ADGRV1: variants seen among roughly 807,000 people sequenced by gnomAD.
The protein encoded by ADGRV1 is G-protein coupled receptor 98.
A neutral mutation model predicts 596.2 loss-of-function variants in ADGRV1; 359 were observed. The observed-to-expected ratio is 0.60, with a 90% CI of 0.55 to 0.66. The LOEUF is 0.66. Ranked by LOEUF, ADGRV1 falls within the 30% of genes least tolerant of loss-of-function variation. The probability of loss-of-function intolerance (pLI) is 0.00; values close to 1 mark genes in which losing one functional copy is unlikely to be tolerated. For synonymous variants in ADGRV1, 2,681 were observed against 2,679.2 expected (o/e 1.00, Z -0.02); for missense variants, 7,274 against 7,575.6 (o/e 0.96, Z 1.48).
chr5:90,573,945 A>T (rs983647573), intron 1 of ADGRV1, among the ~76,000 whole-genome samples: 2 of 152,136 alleles, frequency 1.3e-5, no homozygotes, highest in Non-Finnish European at 2.9e-5. Context: ...GCCTTGTCAA[A>T]GATCAGATGG....
intron 75 of ADGRV1, 25 bp from the exon 76 acceptor site, chr5:90,823,400 G>T (rs769741598): frequency 2.9e-5 from 47 of 1,610,902 alleles, no homozygotes; most frequent in Middle Eastern, 1.7e-4. Context: ...CTCTGTTAAG[G>T]CATTGGTGGG....
Position 90,783,958 on chromosome 5 carries a change from G to A in ADGRV1, c.13554G>A (p.Arg4518=), listed in dbSNP as rs1359454203. ...AKSDSPFGVI[R]FLNQSKISIA... ...GTGACTCTCCCTTTGGAGTTATAAG[G>A]TTTCTCAATCAAAGCAAAATTTCTA... The change falls in exon 67 of 90, where the codon AGG becomes AGA. Residue 4518 remains arginine (R), a synonymous_variant. Transcript: ENST00000405460. 1 of 1,612,280 alleles carries A rather than the reference G, an allele frequency of 6.2e-7. No homozygotes were observed. The highest frequency in any genetic ancestry group is 1.1e-5 in the South Asian group (1 of 90,656).
chr5:90,643,171 A>G (rs1333109356), intron 13 of ADGRV1, 130 bp downstream of exon 13: 8 of 756,066 alleles, frequency 1.1e-5, no homozygotes, highest in African/African-American at 1.8e-5. Flanking sequence ...TGAGAAGTAC[A>G]TAGATTTGGA....
At chr5:90,591,134 G>A (rs1759448294) in intron 1 of ADGRV1, among the ~76,000 whole-genome samples, 1 of 152,150 alleles carries the variant, frequency 6.6e-6, no homozygotes, top group Admixed American at 6.5e-5. Flanking sequence ...GCTCATGCCT[G>A]TAATCCCAGC....
chr5:90,748,562 C>T (rs991912701), intron 52 of ADGRV1, among the ~76,000 whole-genome samples: 2 of 152,106 alleles, frequency 1.3e-5, no homozygotes, highest in African/African-American at 4.8e-5. Flanking sequence ...CCAGTGGCTA[C>T]TGTGAAGGAG....
At chr5:90,750,250 G>A (rs1032320714) in intron 52 of ADGRV1, among the ~76,000 whole-genome samples, 2 of 152,170 alleles carry the variant, frequency 1.3e-5, no homozygotes, top group African/African-American at 4.8e-5. Context: ...CACGCTTTCT[G>A]AGTATGAATG....
intron 45 of ADGRV1, among the ~76,000 whole-genome samples, chr5:90,722,553 A>T (rs1445422542): frequency 6.6e-6 from 1 of 151,428 alleles, no homozygotes; most frequent in Admixed American, 6.6e-5. Context: ...TCTACTAAAA[A>T]TACAAAAAAA....
At chr5:91,122,916 A>G (rs13436467) in intron 87 of ADGRV1, among the ~76,000 whole-genome samples, 11,088 of 152,272 alleles carry the variant, frequency 0.073, 551 homozygotes, top group East Asian at 0.16. Flanking sequence ...GGATACTGGC[A>G]TTTTAAAGAG....
chr5:91,120,949 G>A (rs13436174), intron 87 of ADGRV1, among the ~76,000 whole-genome samples: 9,047 of 152,206 alleles, frequency 0.059, 385 homozygotes, highest in East Asian at 0.15. Flanking sequence ...CAAGGTGGGC[G>A]GGTCACTTGA....
intron 48 of ADGRV1, among the ~76,000 whole-genome samples, chr5:90,726,682 T>A (rs1255387869): frequency 6.6e-6 from 1 of 150,820 alleles, no homozygotes; most frequent in African/African-American, 2.5e-5. Flanking sequence ...TGTGTGTGTG[T>A]GATCCTTCTC....
intron 85 of ADGRV1, among the ~76,000 whole-genome samples, chr5:91,060,804 A>G (rs1446127683): frequency 2.6e-5 from 4 of 152,238 alleles, no homozygotes; most frequent in Admixed American, 6.5e-5. Context: ...ATTTGTAACT[A>G]TCACATAAAG....
chr5:90,652,894 C>G (rs746842426), intron 19 of ADGRV1, among the ~76,000 whole-genome samples: 7 of 152,248 alleles, frequency 4.6e-5, no homozygotes, highest in Middle Eastern at 6.8e-3. Context: ...TAGCTTAAAG[C>G]TTGATCTTTG....
At chr5:91,030,925 G>T in intron 85 of ADGRV1, 2 of 728,680 alleles carry the variant, frequency 2.7e-6, no homozygotes, top group Non-Finnish European at 2.1e-6. Flanking sequence ...GCAGTCTTGT[G>T]ATCAGAGTCC....
intron 74 of ADGRV1, among the ~76,000 whole-genome samples, chr5:90,814,454 T>A (rs1762716981): frequency 6.6e-6 from 1 of 152,120 alleles, no homozygotes; most frequent in Non-Finnish European, 1.5e-5. Context: ...TGGCTCTGTG[T>A]CCCCACTCAA....
intron 1 of ADGRV1, among the ~76,000 whole-genome samples, chr5:90,581,264 T>A (rs1424469972): frequency 6.6e-6 from 1 of 152,210 alleles, no homozygotes; most frequent in African/African-American, 2.4e-5. Flanking sequence ...TGTCACCTTG[T>A]CAAAGTCATT....
At chr5:90,842,604 G>T (rs995258036) in intron 78 of ADGRV1, among the ~76,000 whole-genome samples, 16 of 152,026 alleles carry the variant, frequency 1.1e-4, no homozygotes, top group South Asian at 2.1e-4. Flanking sequence ...TGTAGTCCCA[G>T]CTATTTGGGA....
At chr5:90,924,929 G>A (rs978231053) in intron 83 of ADGRV1, among the ~76,000 whole-genome samples, 1 of 151,662 alleles carries the variant, frequency 6.6e-6, no homozygotes, top group Non-Finnish European at 1.5e-5. Flanking sequence ...GTTTGTCAAG[G>A]ATAGATAGTT....
Position 90,745,692 on chromosome 5 carries a change from A to C in ADGRV1, c.10871A>C (p.Gln3624Pro), listed in dbSNP as rs1754545733. ...VPEKEESFKVQLKNPKGGAEI... is the reference protein window; with the variant it reads ...VPEKEESFKVPLKNPKGGAEI... ...GAAAAAGAAGAATCCTTCAAAGTTC[A>C]ACTTAAAAATCCCAAAGGAGGAGCA... The change falls in exon 52 of 90, where the codon CAA (glutamine) becomes CCA (proline). Residue 3624 changes from glutamine to proline, a missense_variant. Coordinates refer to ENST00000405460, the MANE Select transcript of ADGRV1 (RefSeq NM_032119.4). 1.9e-6 allele frequency: 3 copies of C among 1,612,420 alleles called. No individual in the cohort carries two copies. The highest frequency in any genetic ancestry group is 2.5e-6 in the Non-Finnish European group (3 of 1,178,686).
chr5:90,709,095 G>C (rs1269703557), intron 39 of ADGRV1, among the ~76,000 whole-genome samples, 186 bp downstream of exon 39: 2 of 152,052 alleles, frequency 1.3e-5, no homozygotes, highest in Non-Finnish European at 2.9e-5. Context: ...ACAATGTAAA[G>C]ACATTAAAAA....
Sources: gnomAD v4.1 joint callset for allele counts (sites outside exome capture counted in the v4.1 genomes callset) on GRCh38, gnomAD v4.1.1 for gene constraint, MANE v1.5 for transcripts, NCBI Gene and HGNC (gene_info 2026-07-23, HGNC 2026-07-21) for gene names.